Variants in SLC22A6 observed in about 807,000 individuals in gnomAD.
SLC22A6 encodes PAH transporter.
In SLC22A6, 45 loss-of-function variants were observed where a neutral mutation model predicts 56.7. The observed-to-expected ratio is 0.79, with a 90% CI of 0.63 to 1.02. The LOEUF (loss-of-function observed/expected upper bound fraction) is 1.02. Among genes scored for constraint, SLC22A6 ranks in the 50% least tolerant of loss-of-function variants. SLC22A6 has a pLI of 0.00. For synonymous variants in SLC22A6, 291 were observed against 295.9 expected, an observed-to-expected ratio of 0.98 and a Z score of 0.17; for missense variants, 606 against 713.8, an observed-to-expected ratio of 0.85 and a Z score of 1.72.
chr11:62,981,021 G>A lies in SLC22A6; in HGVS notation c.1001C>T (p.Thr334Ile). 3.1e-6 allele frequency: 5 copies of A among 1,610,920 alleles called. No homozygotes were observed. Among genetic ancestry groups the A allele is most frequent in the Non-Finnish European group, 4.2e-6 (5 of 1,177,572 alleles). ...GAGGCAGAGGAAGAGGTGGCGGAGG[G>A]TGGGGCAGCGCAGCAGCTCCATGGC... ...ASAMELLRCPTLRHLFLCLSM... is the reference protein window; with the variant it reads ...ASAMELLRCPILRHLFLCLSM... The change falls in exon 6 of 10, where the codon ACC becomes ATC. Residue 334 changes from threonine to isoleucine, a missense_variant. Coordinates refer to ENST00000360421, the MANE Select transcript of SLC22A6 (RefSeq NM_153276.3).
chr11:62,980,868 C>T, intron 6 of SLC22A6, 117 bp downstream of exon 6: 1 of 790,416 alleles, frequency 1.3e-6, no homozygotes. Context: ...GGGGTTACTG[C>T]TTCTCACAGC....
intron 4 of SLC22A6, 62 bp downstream of exon 4, chr11:62,981,780 T>C: frequency 6.7e-7 from 1 of 1,488,996 alleles, no homozygotes; most frequent in Non-Finnish European, 9.0e-7. Context: ...CTGGGAGATG[T>C]CCTGTCCCTT....
chr11:62,981,417 G>A, intron 4 of SLC22A6, 34 bp from the exon 5 acceptor site: 1 of 1,242,314 alleles, frequency 8.0e-7, no homozygotes, highest in African/African-American at 1.6e-5. Context: ...TGTCAGCATG[G>A]CTTCAGTTCC....
rs2086291666 is a variant in SLC22A6, at chr11:62,984,324, C to G, written c.367G>C (p.Glu123Gln). The G allele has an allele frequency of 1.2e-6, 2 of 1,613,292 alleles. No individual in the cohort carries two copies. Among genetic ancestry groups the G allele is most frequent in the Non-Finnish European group, 8.5e-7 (1 of 1,179,998 alleles). Residue 123 changes from glutamate (E) to glutamine (Q), a missense_variant and splice_region_variant, in exon 1 of 10, where the codon GAG becomes CAG. Glu to Gln is a conservative substitution (Grantham distance 29). Coordinates refer to ENST00000360421, the MANE Select transcript of SLC22A6 (RefSeq NM_153276.3). Reference protein sequence around the residue: ...NSTFPSTIVTEWDLVCSHRAL... With the variant: ...NSTFPSTIVTQWDLVCSHRAL... The stretch of plus-strand genomic sequence containing the variant: ...GATGGGGAGCCCCAGGTGCTCACCT[C>G]AGTCACGATGGTAGATGGGAAGGTG...
Position 62,983,855 on chromosome 11 carries a change from C to A in SLC22A6, c.473+89G>T. The stretch of plus-strand genomic sequence containing the variant: ...AGATCCTCAAACCAGCGCCGGCTGG[C>A]AATGCCAAGCTCCCACCTAGACACC... On this transcript the variant is annotated intron_variant, in intron 2 of 9. Transcript: ENST00000360421. This position sits in a 1 kb window ranked among gnomAD's most constrained non-coding sequence, Gnocchi z 4.5. 3.3e-6 allele frequency: 4 copies of A among 1,206,244 alleles called. No individual in the cohort carries two copies. Among genetic ancestry groups the A allele is most frequent in the East Asian group, 2.5e-5 (1 of 39,700 alleles). The allele number at this position is 1,206,244 out of a possible 1,614,324, so 74.7% of individuals were successfully genotyped here.
Position 62,976,886 on chromosome 11 carries a change from A to G in SLC22A6, c.1566-5T>C. 6.2e-7 allele frequency: 1 copy of G among 1,613,646 alleles called. No individual in the cohort carries two copies. Reference sequence around the variant, plus strand: ...TGTCGCGTCTGTTTCCCTTTCCTGCAGGGCGGCAGAAGAATGGCACTCTGG... The same window carrying G: ...TGTCGCGTCTGTTTCCCTTTCCTGCGGGGCGGCAGAAGAATGGCACTCTGG... On this transcript the variant is annotated splice_polypyrimidine_tract_variant and splice_region_variant and intron_variant, in intron 9 of 9. Transcript: ENST00000360421.
At chr11:62,979,140 G>A (rs890927331) in intron 8 of SLC22A6, among the ~76,000 whole-genome samples, 5 of 152,204 alleles carry the variant, frequency 3.3e-5, no homozygotes, top group African/African-American at 1.2e-4. Context: ...TTGGTTTATA[G>A]ATGGAATGTA....
Position 62,977,260 on chromosome 11 carries a change from C to A in SLC22A6, c.1489G>T (p.Ala497Ser). 1 of 1,614,100 alleles carries A rather than the reference C, an allele frequency of 6.2e-7. No homozygotes were observed. Among genetic ancestry groups the A allele is most frequent in the Non-Finnish European group, 8.5e-7 (1 of 1,180,036 alleles). Residue 497 changes from alanine (A) to serine (S), a missense_variant, in exon 9 of 10, where the codon GCC becomes TCC. By Grantham distance (99) the Ala-to-Ser change is moderately conservative. Coordinates refer to ENST00000360421, the MANE Select transcript of SLC22A6 (RefSeq NM_153276.3). Reference sequence around the variant, plus strand: ...GGCAGGAGGACAGTGACAGCGCTGGCGGCCACAGGAACAGCACCGTAGATG... The same window carrying A: ...GGCAGGAGGACAGTGACAGCGCTGGAGGCCACAGGAACAGCACCGTAGATG... ...LFIYGAVPVAASAVTVLLPET... is the reference protein window; with the variant it reads ...LFIYGAVPVASSAVTVLLPET...
intron 8 of SLC22A6, among the ~76,000 whole-genome samples, chr11:62,978,207 C>A (rs1278117874): frequency 1.3e-5 from 2 of 152,182 alleles, no homozygotes; most frequent in African/African-American, 2.4e-5. Flanking sequence ...AGGACCATGA[C>A]CCTCAGGGTT....
Position 62,983,168 on chromosome 11 carries a change from C to T in SLC22A6, c.628+369G>A, listed in dbSNP as rs910876194. 6.6e-6 allele frequency among the ~76,000 whole-genome samples: 1 copy of T among 152,132 alleles called. No homozygotes were observed. The highest frequency in any genetic ancestry group is 6.5e-5 in the Admixed American group (1 of 15,274). Reference sequence around the variant, plus strand: ...CACGCCATTCTCCTGCCTCAGCCTCCCGAGTAGCTGGGACTACAGGCGCCT... The same window carrying T: ...CACGCCATTCTCCTGCCTCAGCCTCTCGAGTAGCTGGGACTACAGGCGCCT... On this transcript the variant is annotated intron_variant, in intron 3 of 9. Transcript: ENST00000360421. The surrounding 1 kb of genome is among the most constrained non-coding windows in gnomAD (Gnocchi z 4.5).
At chr11:62,979,170 A>G (rs962380290) in intron 8 of SLC22A6, among the ~76,000 whole-genome samples, 1 of 152,030 alleles carries the variant, frequency 6.6e-6, no homozygotes, top group Non-Finnish European at 1.5e-5. Flanking sequence ...GCAGCTTCTA[A>G]TTTGTGTTTT....
In SLC22A6 at chr11:62,984,825, G is replaced by A; in HGVS notation, c.-135C>T. The A allele has an allele frequency of 1.1e-6, 1 of 914,590 alleles. No homozygotes were observed. Among genetic ancestry groups the A allele is most frequent in the Non-Finnish European group, 1.6e-6 (1 of 620,954 alleles). The allele number at this position is 914,590 out of a possible 1,614,324, so 56.7% of individuals were successfully genotyped here. A position where few individuals can be genotyped will look rare whatever the true frequency, so the allele number is the denominator to read the frequency against. ...CCGCAGCTGGGTTGCTCCGGGAGCT[G>A]AGTCCGAGCTGCTCTGTGGGGGGAC... On this transcript the variant is annotated 5_prime_UTR_variant, in exon 1 of 10. Coordinates refer to ENST00000360421, the MANE Select transcript of SLC22A6 (RefSeq NM_153276.3).
At position 62,983,188 on chromosome 11, in the gene SLC22A6, G is replaced by A. The variant is rs1377112252; in HGVS notation, c.628+349C>T. Among the ~76,000 whole-genome samples, 19 of 152,134 alleles carry A rather than the reference G, an allele frequency of 1.2e-4. No homozygotes were observed. The highest frequency in any genetic ancestry group is 1.2e-3 in the Admixed American group (19 of 15,270). On this transcript the variant is annotated intron_variant, in intron 3 of 9. Coordinates refer to ENST00000360421, the MANE Select transcript of SLC22A6 (RefSeq NM_153276.3). The surrounding 1 kb of genome is among the most constrained non-coding windows in gnomAD (Gnocchi z 4.5). ...GCCTCCCGAGTAGCTGGGACTACAG[G>A]CGCCTGCCATCACACCTGGCTAATT...
Position 62,979,729 on chromosome 11 carries a change from C to T in SLC22A6, c.1252+5G>A. 4 of 1,613,314 alleles carry T rather than the reference C, an allele frequency of 2.5e-6. No homozygotes were observed. The highest frequency in any genetic ancestry group is 2.5e-6 in the Non-Finnish European group (3 of 1,179,290). ...GAAGGGGCCAAGGTGCTCGTGGGTGCTCACCCTGGGGTATCACCCCATTGA... is the reference window on the plus strand; with the variant it reads ...GAAGGGGCCAAGGTGCTCGTGGGTGTTCACCCTGGGGTATCACCCCATTGA... On this transcript the variant is annotated splice_donor_5th_base_variant and intron_variant, in intron 7 of 9. Coordinates refer to ENST00000360421, the MANE Select transcript of SLC22A6 (RefSeq NM_153276.3).
rs2086192952 is a variant in SLC22A6, at chr11:62,976,781, C to T, written c.*13G>A. On this transcript the variant is annotated 3_prime_UTR_variant, in exon 10 of 10. Transcript: ENST00000360421. ...CCCTCCCTTTAGGGTTCTGTAAGGC[C>T]CCTTCTCAGTCCTCAGAGTCCATTC... The T allele has an allele frequency of 6.2e-7, 1 of 1,607,258 alleles. No individual in the cohort carries two copies. The highest frequency in any genetic ancestry group is 8.5e-7 in the Non-Finnish European group (1 of 1,175,952).
intron 4 of SLC22A6, among the ~76,000 whole-genome samples, 191 bp downstream of exon 4, chr11:62,981,651 A>G (rs1157499646): frequency 2.6e-5 from 4 of 151,872 alleles, no homozygotes; most frequent in Non-Finnish European, 4.4e-5. Context: ...AAGCCAGAGA[A>G]TTGGATATCC....
Position 62,983,941 on chromosome 11 carries a change from G to A in SLC22A6, c.473+3C>T, listed in dbSNP as rs1234850525. Reference sequence around the variant, plus strand: ...CAGCCCCTTGACCCTACCCAGGACTGACCTGTCTGCAAGGTAGCCGAACAC... The same window carrying A: ...CAGCCCCTTGACCCTACCCAGGACTAACCTGTCTGCAAGGTAGCCGAACAC... On this transcript the variant is annotated splice_donor_region_variant and intron_variant, in intron 2 of 9. Transcript: ENST00000360421. This position sits in a 1 kb window ranked among gnomAD's most constrained non-coding sequence, Gnocchi z 4.5. The A allele has an allele frequency of 6.2e-7, 1 of 1,605,154 alleles. No individual in the cohort carries two copies. The highest frequency in any genetic ancestry group is 8.5e-7 in the Non-Finnish European group (1 of 1,172,542).
intron 4 of SLC22A6, 25 bp from the exon 5 acceptor site, chr11:62,981,408 GTCAGCATGGCTTCAGTTCCAGTCAGCT>G: frequency 7.7e-7 from 1 of 1,303,870 alleles, no homozygotes; most frequent in Non-Finnish European, 1.0e-6. Context: ...GGGGGTGGGT[GTCAGCATGGCTTCAGTTCCAGTCAGCT>G]GGGTGGGGGG....
rs146077034 is a variant in SLC22A6, at chr11:62,981,289, G to A, written c.892C>T (p.Arg298Trp). The stretch of plus-strand genomic sequence containing the variant: ...ATACTCAATTTGGCTCCTTCTTCCC[G>A]CTTCCCATTGATCCGGGCGACTCTC... ...LQRVARINGK[R>W]EEGAKLSMEV... Residue 298 changes from arginine to tryptophan, a missense_variant, in exon 5 of 10, where the codon CGG becomes TGG. Physicochemically the swap from Arg to Trp is moderately radical, Grantham distance 101 (BLOSUM62 -3). Coordinates refer to ENST00000360421, the MANE Select transcript of SLC22A6 (RefSeq NM_153276.3). 5.0e-5 allele frequency: 81 copies of A among 1,608,460 alleles called. No individual in the cohort carries two copies. The African/African-American group carries it at 5.7e-4, about 11-fold the overall frequency.
Sources: gnomAD v4.1 joint callset for allele counts (sites outside exome capture counted in the v4.1 genomes callset) on GRCh38, gnomAD v4.1.1 for gene constraint, Gnocchi (gnomAD v3.1) non-coding constraint, MANE v1.5 for transcripts, NCBI Gene and HGNC (gene_info 2026-07-23, HGNC 2026-07-21) for gene names.